CTIF: variants seen among roughly 807,000 people sequenced by gnomAD.
CTIF encodes the protein CBP80/20-dependent translation initiation factor.
A neutral mutation model predicts 66.0 loss-of-function variants in CTIF; 21 were observed. The ratio of observed to expected loss-of-function variants is 0.32; its 90% CI spans 0.23 to 0.46. CTIF has a LOEUF of 0.46. CTIF is among the 20% of genes least tolerant of loss of function. The pLI, the probability that CTIF is intolerant of heterozygous loss-of-function variation, is 1.00. For missense variants in CTIF, 739 were observed against 812.7 expected (o/e 0.91, Z 1.10); for synonymous variants, 345 against 326.4 (o/e 1.06, Z -0.62).
chr18:48,770,208 CA>C (rs1290156541), intron 9 of CTIF, among the ~76,000 whole-genome samples: 1 of 152,236 alleles, frequency 6.6e-6, no homozygotes, highest in East Asian at 1.9e-4. Context: ...ATCATATCAT[CA>C]GGGGGGCCTG....
At chr18:48,774,505 C>T (rs764060501) in intron 9 of CTIF, among the ~76,000 whole-genome samples, 8 of 152,138 alleles carry the variant, frequency 5.3e-5, no homozygotes, top group African/African-American at 1.9e-4. Flanking sequence ...CTGCAGGGAA[C>T]GACCCTCCCT....
chr18:48,859,756 C>T lies in CTIF; in HGVS notation c.*197C>T. ...GAGGAGTGCCCCCGCACAAGCCCCC[C>T]AGCCCGAGCATGCAAGCTCACACCA... On this transcript the variant is annotated 3_prime_UTR_variant, in exon 12 of 12. Transcript: ENST00000256413. The T allele has an allele frequency of 1.4e-6, 1 of 698,622 alleles. No individual in the cohort carries two copies. The highest frequency in any genetic ancestry group is 2.7e-5 in the East Asian group (1 of 37,030). 43.3% of individuals were successfully genotyped at this position (698,622 alleles called of 1,614,324 possible).
chr18:48,842,939 G>C (rs984679183), intron 10 of CTIF, among the ~76,000 whole-genome samples: 2 of 152,208 alleles, frequency 1.3e-5, no homozygotes, highest in African/African-American at 4.8e-5. Context: ...CTGGAGCTGG[G>C]GGCAGGGAGG....
intron 3 of CTIF, among the ~76,000 whole-genome samples, chr18:48,654,499 A>T (rs2091210769): frequency 1.3e-5 from 2 of 152,230 alleles, no homozygotes; most frequent in Admixed American, 1.3e-4. Context: ...GATGTGGAGA[A>T]ATAGGAACAC....
intron 6 of CTIF, among the ~76,000 whole-genome samples, chr18:48,690,315 C>A (rs1325638161): frequency 1.3e-5 from 2 of 152,190 alleles, no homozygotes. Context: ...TACCAGTCTG[C>A]CCTGGGTTTG....
At chr18:48,572,661 G>A (rs4939550) in intron 1 of CTIF, among the ~76,000 whole-genome samples, 142,646 of 152,148 alleles carry the variant, frequency 0.94, 66,936 homozygotes, top group East Asian at 1. Context: ...ATCTGGCCCC[G>A]GAAGAAGAAG....
chr18:48,740,049 A>G (rs1285781697), intron 7 of CTIF, among the ~76,000 whole-genome samples: 1 of 152,226 alleles, frequency 6.6e-6, no homozygotes, highest in Non-Finnish European at 1.5e-5. Flanking sequence ...GGTAGGTGCT[A>G]TTATGTTCAC....
At chr18:48,674,258 G>C (rs116228367) in intron 6 of CTIF, among the ~76,000 whole-genome samples, 3,432 of 152,348 alleles carry the variant, frequency 0.023, 131 homozygotes, top group African/African-American at 0.078. Context: ...AAATGCCCGA[G>C]CAAGTGCTGG....
intron 7 of CTIF, among the ~76,000 whole-genome samples, chr18:48,755,213 A>C (rs1250614873): frequency 1.3e-5 from 2 of 152,254 alleles, no homozygotes; most frequent in Non-Finnish European, 2.9e-5. Context: ...TGGGCTTAAA[A>C]ATAACTCACA....
intron 3 of CTIF, among the ~76,000 whole-genome samples, chr18:48,643,989 C>G (rs764821710): frequency 1.3e-5 from 2 of 152,168 alleles, no homozygotes; most frequent in Non-Finnish European, 2.9e-5. Context: ...TAGGCAGCTC[C>G]ATTAATAAAA....
At chr18:48,736,328 C>T (rs888266568) in intron 7 of CTIF, among the ~76,000 whole-genome samples, 3 of 152,306 alleles carry the variant, frequency 2.0e-5, no homozygotes, top group South Asian at 2.1e-4. Context: ...CTTCTGCACT[C>T]GGCATGCTCT....
Position 48,761,225 on chromosome 18 carries a change from C to T in CTIF, c.1072-165C>T, listed in dbSNP as rs935921439. 1.6e-5 allele frequency: 10 copies of T among 627,298 alleles called. No individual in the cohort carries two copies. In the African/African-American group the frequency reaches 1.7e-4, roughly 10 times the overall value. 38.9% of individuals were successfully genotyped at this position (627,298 alleles called of 1,614,324 possible). A position where few individuals can be genotyped will look rare whatever the true frequency, so the allele number is the denominator to read the frequency against. On this transcript the variant is annotated intron_variant, in intron 8 of 11. Transcript: ENST00000256413. The surrounding 1 kb of genome is among the most constrained non-coding windows in gnomAD (Gnocchi z 4.2). ...AAAAGGCAACAAGGAGCTTTTGGCG[C>T]ATGAGGGGTCTTTGGTGGAGGTTCC...
In CTIF at chr18:48,861,711, A is replaced by G. The variant is rs2069473497; in HGVS notation, c.*2152A>G. The G allele has an allele frequency of 6.6e-6, 1 of 152,300 alleles. No homozygotes were observed. Among genetic ancestry groups the G allele is most frequent in the South Asian group, 2.1e-4 (1 of 4,832 alleles). 9.4% of individuals were successfully genotyped at this position (152,300 alleles called of 1,614,324 possible). ...GAGCTCAGAGCAAGCTTCACGCAGGACGCTCCGAAACACTGTGTGGAGGGG... is the reference window on the plus strand; with the variant it reads ...GAGCTCAGAGCAAGCTTCACGCAGGGCGCTCCGAAACACTGTGTGGAGGGG... On this transcript the variant is annotated 3_prime_UTR_variant, in exon 12 of 12. Transcript: ENST00000256413.
intron 4 of CTIF, among the ~76,000 whole-genome samples, chr18:48,664,032 C>G (rs902491588): frequency 6.6e-6 from 1 of 152,148 alleles, no homozygotes; most frequent in Non-Finnish European, 1.5e-5. Flanking sequence ...GGAGGGCCCC[C>G]GGGATGGGGC....
rs2069465388 is a variant in CTIF at position 48,861,461 on chromosome 18, A to G, written c.*1902A>G. 1 of 143,512 alleles carries G rather than the reference A, an allele frequency of 7.0e-6. No individual in the cohort carries two copies. The highest frequency in any genetic ancestry group is 2.6e-5 in the African/African-American group (1 of 38,376). 8.9% of individuals were successfully genotyped at this position (143,512 alleles called of 1,614,324 possible). On this transcript the variant is annotated 3_prime_UTR_variant, in exon 12 of 12. Coordinates refer to ENST00000256413, the MANE Select transcript of CTIF (RefSeq NM_014772.3). ...GATGCCCCGCGGGTAGGAGGCCTCGAGGGAGGAGCCGGGCTGATGCGGGGC... is the reference window on the plus strand; with the variant it reads ...GATGCCCCGCGGGTAGGAGGCCTCGGGGGAGGAGCCGGGCTGATGCGGGGC...
chr18:48,631,708 C>T (rs1317198649), intron 2 of CTIF, among the ~76,000 whole-genome samples: 1 of 152,142 alleles, frequency 6.6e-6, no homozygotes, highest in Non-Finnish European at 1.5e-5. Context: ...GTGGTTGAGG[C>T]CTTTAAACCA....
chr18:48,846,598 A>AATGG (rs747909650), intron 10 of CTIF, among the ~76,000 whole-genome samples: 95 of 141,424 alleles, frequency 6.7e-4, no homozygotes, highest in Non-Finnish European at 1.2e-3. Context: ...TGGGTGGATG[A>AATGG]ATGGATGGAT....
rs115876223 is a variant in CTIF, at chr18:48,852,426, C to T, written c.1528-5162C>T. 3.6e-3 allele frequency among the ~76,000 whole-genome samples: 548 copies of T among 152,162 alleles called. 4 individuals are homozygous for T. The highest frequency in any genetic ancestry group is 0.013 in the African/African-American group (521 of 41,514). On this transcript the variant is annotated intron_variant, in intron 10 of 11. Coordinates refer to ENST00000256413, the MANE Select transcript of CTIF (RefSeq NM_014772.3). The stretch of plus-strand genomic sequence containing the variant: ...CGCAGTTGGATGTTGGACCCCATGA[C>T]TCAGGTAGGCTTGCTGCAGGATGAG...
chr18:48,648,062 C>A (rs1054915983), intron 3 of CTIF, among the ~76,000 whole-genome samples: 1 of 152,190 alleles, frequency 6.6e-6, no homozygotes, highest in African/African-American at 2.4e-5. Flanking sequence ...TTTGGACAGG[C>A]AGCCAGACAG....
Sources: allele counts gnomAD v4.1 joint callset (sites outside exome capture counted in the v4.1 genomes callset), GRCh38; gene constraint gnomAD v4.1.1; non-coding constraint Gnocchi (gnomAD v3.1); transcripts MANE v1.5; gene names NCBI Gene and HGNC (gene_info 2026-07-23, HGNC 2026-07-21).